The following CEMIP variants were observed in gnomAD, a reference collection of about 807,000 sequenced individuals.
CEMIP encodes the protein cell migration-inducing and hyaluronan-binding protein.
Under a neutral mutation model 156.9 loss-of-function variants are expected in CEMIP, and 105 were observed. That is an observed-to-expected ratio of 0.67 (90% CI 0.57 to 0.79). The LOEUF is 0.79. Among genes scored for constraint, CEMIP ranks in the 30% least tolerant of loss-of-function variants. CEMIP has a pLI of 0.00. For synonymous variants in CEMIP, 676 were observed against 668.4 expected (o/e 1.01, Z -0.17); for missense variants, 1,457 against 1,769.4 (o/e 0.82, Z 3.17).
At position 80,936,829 on chromosome 15, in the gene CEMIP, C is replaced by G; in HGVS notation, c.3165C>G (p.Ile1055Met). ...PVVTLQKGYT[I>M]HWDQTAPAEL... ...TCACCCTGCAGAAGGGCTACACCAT[C>G]CACTGGGACCAGACGGCCCCCGCCG... Residue 1055 changes from isoleucine to methionine, a missense_variant, in exon 24 of 30, where the codon ATC becomes ATG. Physicochemically the swap from Ile to Met is conservative, Grantham distance 10. This residue lies in a region of CEMIP where 798 missense variants were observed against 980.1 expected (regional missense o/e 0.81). Transcript: ENST00000394685. 2.5e-6 allele frequency: 4 copies of G among 1,614,166 alleles called. No individual in the cohort carries two copies. The highest frequency in any genetic ancestry group is 3.4e-6 in the Non-Finnish European group (4 of 1,180,050).
At chr15:80,873,070 G>T (rs1214213543) in intron 1 of CEMIP, among the ~76,000 whole-genome samples, 1 of 152,078 alleles carries the variant, frequency 6.6e-6, no homozygotes, top group Non-Finnish European at 1.5e-5. Flanking sequence ...TTCCTTTAAG[G>T]GAATTTCCTG....
At chr15:80,843,705 G>A (rs1241640437) in intron 1 of CEMIP, among the ~76,000 whole-genome samples, 7 of 152,198 alleles carry the variant, frequency 4.6e-5, no homozygotes, top group African/African-American at 9.7e-5. Context: ...TCTATATGGA[G>A]CTGGACATAT....
At chr15:80,877,687 C>G (rs1265997368) in intron 3 of CEMIP, among the ~76,000 whole-genome samples, 1 of 152,214 alleles carries the variant, frequency 6.6e-6, no homozygotes. Context: ...ACTGCTGGGT[C>G]AAGCCTTGTT....
intron 1 of CEMIP, among the ~76,000 whole-genome samples, chr15:80,803,930 C>A (rs1178029060): frequency 1.3e-5 from 2 of 152,168 alleles, no homozygotes; most frequent in Non-Finnish European, 2.9e-5. Flanking sequence ...TGGATAATTT[C>A]TAAAGAAAAG....
At chr15:80,826,614 G>C (rs1457882696) in intron 1 of CEMIP, among the ~76,000 whole-genome samples, 3 of 152,178 alleles carry the variant, frequency 2.0e-5, no homozygotes, top group African/African-American at 4.8e-5. Flanking sequence ...GCCTCAAATT[G>C]CAGAGCCTCC....
At chr15:80,843,895 A>G (rs1442926781) in intron 1 of CEMIP, among the ~76,000 whole-genome samples, 1 of 152,206 alleles carries the variant, frequency 6.6e-6, no homozygotes, top group Non-Finnish European at 1.5e-5. Context: ...GGAAAGTATG[A>G]GACCCCTCCT....
intron 1 of CEMIP, among the ~76,000 whole-genome samples, chr15:80,803,675 G>T (rs1182681793): frequency 1.3e-5 from 2 of 152,118 alleles, no homozygotes; most frequent in Non-Finnish European, 2.9e-5. Context: ...AGAAAAAAAG[G>T]GTCTGAGAGA....
At chr15:80,841,702 C>T (rs111683280) in intron 1 of CEMIP, among the ~76,000 whole-genome samples, 14 of 152,314 alleles carry the variant, frequency 9.2e-5, no homozygotes, top group African/African-American at 2.6e-4. Flanking sequence ...GGAGCCCTCC[C>T]TCCAGGGGGT....
At chr15:80,795,055 G>A (rs1456376587) in intron 1 of CEMIP, among the ~76,000 whole-genome samples, 1 of 151,854 alleles carries the variant, frequency 6.6e-6, no homozygotes, top group Non-Finnish European at 1.5e-5. Flanking sequence ...GAGAGTGAGA[G>A]AAGCCCAGAT....
chr15:80,822,080 T>TA (rs1896922249), intron 1 of CEMIP, among the ~76,000 whole-genome samples: 1 of 152,240 alleles, frequency 6.6e-6, no homozygotes, highest in Non-Finnish European at 1.5e-5. Flanking sequence ...GTCCCAGTGT[T>TA]ACCTGGGATC....
rs150009690 is a variant in CEMIP at position 80,861,030 on chromosome 15, C to A, written c.-175-12508C>A. ...GTGTGATCAGACATATATGGGATGC[C>A]TTTCCTTGCTTATTGGTTTCTATTC... is the stretch of plus-strand genomic sequence containing the variant. On this transcript the variant is annotated intron_variant, in intron 1 of 29. Coordinates refer to ENST00000394685, the MANE Select transcript of CEMIP (RefSeq NM_001293298.2). 2.0e-3 allele frequency among the ~76,000 whole-genome samples: 310 copies of A among 152,180 alleles called. 1 individual carries two copies. Among genetic ancestry groups the A allele is most frequent in the Non-Finnish European group, 3.3e-3 (222 of 68,006 alleles).
intron 1 of CEMIP, among the ~76,000 whole-genome samples, chr15:80,812,161 A>C (rs1406740898): frequency 2.6e-5 from 4 of 152,142 alleles, no homozygotes. Flanking sequence ...TTACAGGCGC[A>C]TGACACCGGG....
Position 80,878,731 on chromosome 15 carries a change from G to C in CEMIP, c.105G>C (p.Gly35=), listed in dbSNP as rs1314132517. ...CTCTGTCCTTGGCAGTGGCTGCTGGGTGCCCTGACCAGAGCCCTGAGTTGC... is the reference window on the plus strand; with the variant it reads ...CTCTGTCCTTGGCAGTGGCTGCTGGCTGCCCTGACCAGAGCCCTGAGTTGC... The part of the protein sequence containing the change: ...FPGATSTVAA[G]CPDQSPELQP... The change falls in exon 4 of 30, where the codon GGG becomes GGC. Residue 35 remains glycine (G), a synonymous_variant. Transcript: ENST00000394685. The C allele has an allele frequency of 6.2e-7, 1 of 1,614,140 alleles. No homozygotes were observed. The highest frequency in any genetic ancestry group is 1.1e-5 in the South Asian group (1 of 91,080).
intron 1 of CEMIP, among the ~76,000 whole-genome samples, chr15:80,866,465 G>A (rs182561775): frequency 2.8e-4 from 43 of 152,092 alleles, no homozygotes; most frequent in African/African-American, 6.7e-4. Flanking sequence ...GGTGGTGGGC[G>A]CCTGTAATCC....
intron 10 of CEMIP, among the ~76,000 whole-genome samples, chr15:80,891,978 A>G (rs1043528932): frequency 2.0e-5 from 3 of 152,204 alleles, no homozygotes; most frequent in African/African-American, 7.2e-5. Context: ...CAAAAGTTAA[A>G]TGTCCTAGTT....
intron 12 of CEMIP, chr15:80,903,082 A>G (rs1004065463): frequency 3.9e-5 from 6 of 152,182 alleles, no homozygotes; most frequent in African/African-American, 1.4e-4. Context: ...AATCCTCCCC[A>G]TCACATTATC....
At chr15:80,889,650 A>G in intron 10 of CEMIP, 58 bp downstream of exon 10, 1 of 1,602,804 alleles carries the variant, frequency 6.2e-7, no homozygotes. Context: ...AGAAGACTCT[A>G]TAGATCACAG....
intron 1 of CEMIP, among the ~76,000 whole-genome samples, chr15:80,838,250 C>T (rs189028581): frequency 2.3e-4 from 35 of 152,270 alleles, no homozygotes; most frequent in South Asian, 6.2e-4. Context: ...GCTGGAGCAA[C>T]GGGTCTTGCA....
rs759824300 is a variant in CEMIP at position 80,933,382 on chromosome 15, C to G, written c.2931C>G (p.Asp977Glu). 6.2e-7 allele frequency: 1 copy of G among 1,614,166 alleles called. No homozygotes were observed. Among genetic ancestry groups the G allele is most frequent in the East Asian group, 2.2e-5 (1 of 44,876 alleles). ...EYPGSYLTKN[D>E]NWLVRHPDCI... Reference sequence around the variant, plus strand: ...CTGGCTCCTACCTCACGAAGAATGACAACTGGCTGGTCCGGCACCCAGACT... The same window carrying G: ...CTGGCTCCTACCTCACGAAGAATGAGAACTGGCTGGTCCGGCACCCAGACT... The change falls in exon 23 of 30, where the codon GAC becomes GAG. Residue 977 changes from aspartate to glutamate, a missense_variant. Physicochemically the swap from Asp to Glu is conservative, Grantham distance 45 (BLOSUM62 2). This residue lies in a region of CEMIP where 798 missense variants were observed against 980.1 expected (regional missense o/e 0.81). Coordinates refer to ENST00000394685, the MANE Select transcript of CEMIP (RefSeq NM_001293298.2).
Sources: allele counts gnomAD v4.1 joint callset (sites outside exome capture counted in the v4.1 genomes callset), GRCh38; gene constraint gnomAD v4.1.1; regional missense constraint gnomAD v4.1.1; transcripts MANE v1.5; gene names NCBI Gene and HGNC (gene_info 2026-07-23, HGNC 2026-07-21).